The following TRAPPC9 variants were observed in gnomAD, a reference collection of about 807,000 sequenced individuals.
TRAPPC9 encodes IKK2 binding protein.
In TRAPPC9, 83 loss-of-function variants were observed where a neutral mutation model predicts 124.0. The ratio of observed to expected loss-of-function variants is 0.67; its 90% CI spans 0.56 to 0.80. The LOEUF is 0.80. Among genes scored for constraint, TRAPPC9 ranks in the 30% least tolerant of loss-of-function variants. TRAPPC9 has a pLI of 0.00. For missense variants in TRAPPC9, 1,302 were observed against 1,508.3 expected (o/e 0.86, Z 2.27); for synonymous variants, 638 against 617.5 (o/e 1.03, Z -0.49).
intron 9 of TRAPPC9, among the ~76,000 whole-genome samples, chr8:140,313,013 G>A (rs2066341744): frequency 2.0e-5 from 3 of 152,206 alleles, no homozygotes; most frequent in South Asian, 4.2e-4. Context: ...CCCCACCTTG[G>A]CCTTCCAAAG....
At chr8:140,203,470 T>C (rs2062841980) in intron 17 of TRAPPC9, among the ~76,000 whole-genome samples, 1 of 152,234 alleles carries the variant, frequency 6.6e-6, no homozygotes. Flanking sequence ...CCTAACAGGC[T>C]CACAGTGTTG....
intron 19 of TRAPPC9, among the ~76,000 whole-genome samples, chr8:139,985,820 A>C (rs1215682729): frequency 6.6e-6 from 1 of 152,254 alleles, no homozygotes; most frequent in Admixed American, 6.5e-5. Flanking sequence ...ATAAAGTGGC[A>C]TATTTACACA....
intron 20 of TRAPPC9, among the ~76,000 whole-genome samples, chr8:139,891,635 G>A (rs998631985): frequency 5.9e-5 from 9 of 152,094 alleles, no homozygotes; most frequent in South Asian, 2.1e-4. Context: ...CCTGCTCCCC[G>A]CTGGGGCTCC....
chr8:140,156,648 A>G (rs564267609), intron 17 of TRAPPC9, among the ~76,000 whole-genome samples: 25 of 152,318 alleles, frequency 1.6e-4, no homozygotes, highest in Non-Finnish European at 3.2e-4. Context: ...TGCTTCCTCC[A>G]TGACCTCTGC....
chr8:140,016,263 C>A (rs1355265313), intron 18 of TRAPPC9, among the ~76,000 whole-genome samples: 1 of 152,162 alleles, frequency 6.6e-6, no homozygotes, highest in East Asian at 1.9e-4. Flanking sequence ...ATAACCCATA[C>A]CCCTATCAAT....
intron 19 of TRAPPC9, chr8:139,911,231 C>T (rs1831711097): frequency 6.6e-6 from 1 of 152,174 alleles, no homozygotes; most frequent in African/African-American, 2.4e-5. Flanking sequence ...CTGCTGTCAT[C>T]CATGTAAGAC....
intron 8 of TRAPPC9, among the ~76,000 whole-genome samples, chr8:140,367,080 G>C (rs955787479): frequency 6.6e-6 from 1 of 152,090 alleles, no homozygotes; most frequent in Non-Finnish European, 1.5e-5. Flanking sequence ...CCAAATGCTG[G>C]CAAGGATGTG....
chr8:139,956,319 G>A (rs1473682043), intron 19 of TRAPPC9, among the ~76,000 whole-genome samples: 7 of 151,932 alleles, frequency 4.6e-5, no homozygotes, highest in African/African-American at 1.2e-4. Context: ...CCACCACCAC[G>A]CCCAGATAAT....
chr8:139,950,888 C>T (rs745942304), intron 19 of TRAPPC9, among the ~76,000 whole-genome samples: 87 of 152,312 alleles, frequency 5.7e-4, no homozygotes, highest in Non-Finnish European at 9.3e-4. Context: ...ACATGGCATG[C>T]GGCAAGAGGA....
intron 21 of TRAPPC9, among the ~76,000 whole-genome samples, chr8:139,839,917 T>C (rs2130881675): frequency 6.6e-6 from 1 of 152,372 alleles, no homozygotes; most frequent in African/African-American, 2.4e-5. Context: ...TTCTACGTTG[T>C]AGCCAACAGA....
intron 14 of TRAPPC9, 72 bp from the exon 15 acceptor site, chr8:140,275,893 C>G (rs1352716109): frequency 2.4e-6 from 3 of 1,265,808 alleles, no homozygotes; most frequent in Non-Finnish European, 2.3e-6. Flanking sequence ...TACTCACTTC[C>G]CAAAGAAGAA....
At chr8:139,851,621 G>T (rs1246083602) in intron 21 of TRAPPC9, among the ~76,000 whole-genome samples, 2 of 152,200 alleles carry the variant, frequency 1.3e-5, no homozygotes, top group East Asian at 1.9e-4. Context: ...AACACAGCCT[G>T]GGAATCCTGG....
intron 15 of TRAPPC9, among the ~76,000 whole-genome samples, chr8:140,253,867 T>G (rs1231634392): frequency 6.6e-6 from 1 of 152,166 alleles, no homozygotes; most frequent in East Asian, 1.9e-4. Context: ...CCATGGAGAA[T>G]AATGATCCCT....
At chr8:140,161,563 T>A (rs771123747) in intron 17 of TRAPPC9, among the ~76,000 whole-genome samples, 19 of 152,136 alleles carry the variant, frequency 1.2e-4, no homozygotes, top group Non-Finnish European at 2.2e-4. Flanking sequence ...CTTTTGATAA[T>A]CTGGTGTCTG....
At chr8:140,202,760 G>T (rs1477986303) in intron 17 of TRAPPC9, among the ~76,000 whole-genome samples, 1 of 152,176 alleles carries the variant, frequency 6.6e-6, no homozygotes, top group African/African-American at 2.4e-5. Flanking sequence ...CTCACTAGTG[G>T]TGGGACAGCC....
intron 17 of TRAPPC9, among the ~76,000 whole-genome samples, chr8:140,122,328 C>T (rs2061004562): frequency 1.3e-5 from 2 of 152,216 alleles, no homozygotes; most frequent in Admixed American, 1.3e-4. Context: ...CCTTGTCAGA[C>T]TCTAAGCAGC....
chr8:140,122,294 C>T (rs930366600), intron 17 of TRAPPC9, among the ~76,000 whole-genome samples: 1 of 152,216 alleles, frequency 6.6e-6, no homozygotes, highest in African/African-American at 2.4e-5. Context: ...GAGACTGCAG[C>T]TCTGGCCAAC....
intron 5 of TRAPPC9, among the ~76,000 whole-genome samples, chr8:140,411,740 T>A (rs574052693): frequency 6.6e-6 from 1 of 152,188 alleles, no homozygotes; most frequent in East Asian, 1.9e-4. Context: ...AGAGCTTCCA[T>A]TGGCCAAATC....
At chr8:139,903,957 C>T (rs917307250) in intron 20 of TRAPPC9, among the ~76,000 whole-genome samples, 5 of 152,136 alleles carry the variant, frequency 3.3e-5, no homozygotes, top group African/African-American at 1.2e-4. Flanking sequence ...TTGCAGTGAA[C>T]CTCTCTGCAA....
Sources: allele counts gnomAD v4.1 joint callset (sites outside exome capture counted in the v4.1 genomes callset), GRCh38; gene constraint gnomAD v4.1.1; transcripts MANE v1.5; gene names NCBI Gene and HGNC (gene_info 2026-07-23, HGNC 2026-07-21).